Variants in CNOT4 observed in about 807,000 individuals in gnomAD.
The protein encoded by CNOT4 is CCR4-NOT transcription complex subunit 4.
CNOT4 carries 8 observed loss-of-function variants against 73.8 expected under a neutral mutation model. The observed-to-expected ratio is 0.11, with a 90% CI of 0.06 to 0.20. The LOEUF (loss-of-function observed/expected upper bound fraction) is 0.20. Ranked by LOEUF, CNOT4 falls within the 10% of genes least tolerant of loss-of-function variation. CNOT4 has a pLI of 1.00. For missense variants in CNOT4, 564 were observed against 883.4 expected (o/e 0.64, Z 4.58); for synonymous variants, 293 against 321.1 (o/e 0.91, Z 0.94).
chr7:135,473,283 TTAAG>T (rs1220415237), intron 1 of CNOT4, among the ~76,000 whole-genome samples: 1 of 152,108 alleles, frequency 6.6e-6, no homozygotes, highest in Non-Finnish European at 1.5e-5. Flanking sequence ...CAAGCATCTC[TTAAG>T]TTATTTACAA....
intron 10 of CNOT4, among the ~76,000 whole-genome samples, chr7:135,378,644 CTG>C (rs1476134712): frequency 7.2e-5 from 11 of 151,814 alleles, no homozygotes; most frequent in African/African-American, 1.9e-4. Context: ...AGTAAAAAGA[CTG>C]AGAAAACACT....
At chr7:135,420,192 A>G (rs557644794) in intron 3 of CNOT4, among the ~76,000 whole-genome samples, 2 of 152,284 alleles carry the variant, frequency 1.3e-5, no homozygotes, top group South Asian at 4.1e-4. Flanking sequence ...TCCAAGATGT[A>G]TTAATAAAAA....
At chr7:135,400,553 T>TA (rs1301185768) in intron 7 of CNOT4, among the ~76,000 whole-genome samples, 1 of 152,094 alleles carries the variant, frequency 6.6e-6, no homozygotes, top group East Asian at 1.9e-4. Flanking sequence ...ATTTTCAATA[T>TA]AAATGAGGTC....
rs757482670 is a variant in CNOT4, at chr7:135,362,641, G to C, written c.*244C>G. 2 of 605,282 alleles carry C rather than the reference G, an allele frequency of 3.3e-6. No individual in the cohort carries two copies. Among genetic ancestry groups the C allele is most frequent in the South Asian group, 3.8e-5 (2 of 52,326 alleles). 37.5% of individuals were successfully genotyped at this position (605,282 alleles called of 1,614,324 possible). A position where few individuals can be genotyped will look rare whatever the true frequency, so the allele number is the denominator to read the frequency against. ...TGATTTTTTTTTCTCTCCTTAAAAA[G>C]GCATTTTTAGAAACATTCAACAGTG... On this transcript the variant is annotated 3_prime_UTR_variant, in exon 12 of 12. Transcript: ENST00000541284.
chr7:135,485,495 G>A (rs758381223), intron 1 of CNOT4, among the ~76,000 whole-genome samples: 1 of 152,168 alleles, frequency 6.6e-6, no homozygotes, highest in Non-Finnish European at 1.5e-5. Flanking sequence ...CCGATATTAA[G>A]GATAACTATA....
intron 10 of CNOT4, chr7:135,384,610 A>C: frequency 1.3e-6 from 1 of 758,780 alleles, no homozygotes; most frequent in South Asian, 1.4e-5. Context: ...GCTATACCAC[A>C]TGCTCGTCTC....
intron 1 of CNOT4, among the ~76,000 whole-genome samples, chr7:135,474,329 G>C (rs1437549136): frequency 1.5e-5 from 2 of 135,062 alleles, no homozygotes; most frequent in Admixed American, 1.6e-4. Context: ...CTGTCGCCCA[G>C]GCTGGAGTGC....
At chr7:135,508,546 A>T (rs1261061039) in intron 1 of CNOT4, among the ~76,000 whole-genome samples, 1 of 152,258 alleles carries the variant, frequency 6.6e-6, no homozygotes, top group Non-Finnish European at 1.5e-5. Context: ...TTTTCAAGAC[A>T]AGACAATTTA....
chr7:135,453,814 AAT>A (rs1800329752), intron 1 of CNOT4, among the ~76,000 whole-genome samples: 1 of 108,354 alleles, frequency 9.2e-6, no homozygotes, highest in Admixed American at 1.1e-4. Flanking sequence ...ATATATAATA[AAT>A]ATATATATTT....
At chr7:135,437,157 A>C (rs1364892910) in intron 2 of CNOT4, among the ~76,000 whole-genome samples, 1 of 152,236 alleles carries the variant, frequency 6.6e-6, no homozygotes, top group Non-Finnish European at 1.5e-5. Flanking sequence ...TAAAAATAAT[A>C]GATTTTTAGA....
chr7:135,429,283 G>A (rs901830661), intron 2 of CNOT4, among the ~76,000 whole-genome samples: 3 of 152,014 alleles, frequency 2.0e-5, no homozygotes, highest in Admixed American at 1.3e-4. Flanking sequence ...TTTGCCCACT[G>A]TATCATTTTT....
At chr7:135,394,439 GA>G in intron 9 of CNOT4, 24 bp from the exon 10 acceptor site, 1 of 1,553,932 alleles carries the variant, frequency 6.4e-7, no homozygotes. Context: ...AAATAGTGAT[GA>G]ATATCAGATA....
chr7:135,384,350 T>G (rs956244897), intron 10 of CNOT4: 8 of 237,136 alleles, frequency 3.4e-5, no homozygotes, highest in Non-Finnish European at 5.0e-5. Flanking sequence ...AGTGGCACCA[T>G]CTCGGCTCAC....
intron 10 of CNOT4, among the ~76,000 whole-genome samples, chr7:135,372,727 T>C (rs1230612984): frequency 6.6e-6 from 1 of 152,116 alleles, no homozygotes; most frequent in Non-Finnish European, 1.5e-5. Flanking sequence ...CGGCTAATTT[T>C]TGTATTTTTA....
intron 1 of CNOT4, among the ~76,000 whole-genome samples, chr7:135,483,808 C>A (rs145848583): frequency 2.9e-4 from 44 of 152,124 alleles, no homozygotes; most frequent in Admixed American, 6.5e-4. Flanking sequence ...AGAGTGAGAC[C>A]CCGTCTCAAA....
chr7:135,394,445 CAG>C (rs774690914), intron 9 of CNOT4, 30 bp from the exon 10 acceptor site: 1 of 1,528,932 alleles, frequency 6.5e-7, no homozygotes, highest in African/African-American at 1.4e-5. Context: ...TGATGAATAT[CAG>C]ATACATAGCT....
intron 10 of CNOT4, among the ~76,000 whole-genome samples, chr7:135,392,268 T>C (rs59150414): frequency 0.012 from 1,762 of 152,216 alleles, 39 homozygotes; most frequent in African/African-American, 0.041. Flanking sequence ...AACTATACTT[T>C]AAGTATGTGG....
chr7:135,408,355 T>C (rs1194738561), intron 7 of CNOT4, among the ~76,000 whole-genome samples: 1 of 152,164 alleles, frequency 6.6e-6, no homozygotes, highest in Non-Finnish European at 1.5e-5. Flanking sequence ...TTCATAATAA[T>C]ATGTATTAGG....
Position 135,362,620 on chromosome 7 carries a change from T to A in CNOT4, c.*265A>T. ...CTAAGTATTGAGACTGCCCTTTGAT[T>A]TTTTTTTCTCTCCTTAAAAAGGCAT... On this transcript the variant is annotated 3_prime_UTR_variant, in exon 12 of 12. Transcript: ENST00000541284. The A allele has an allele frequency of 1.7e-6, 1 of 579,006 alleles. No homozygotes were observed. 35.9% of individuals were successfully genotyped at this position (579,006 alleles called of 1,614,324 possible). A position where few individuals can be genotyped will look rare whatever the true frequency, so the allele number is the denominator to read the frequency against.
Sources: allele counts gnomAD v4.1 joint callset (sites outside exome capture counted in the v4.1 genomes callset), GRCh38; gene constraint gnomAD v4.1.1; transcripts MANE v1.5; gene names NCBI Gene and HGNC (gene_info 2026-07-23, HGNC 2026-07-21).